Variants in WARS2 observed in about 807,000 individuals in gnomAD.
The protein encoded by WARS2 is tryptophan--tRNA ligase, mitochondrial.
Under a neutral mutation model 36.5 loss-of-function variants are expected in WARS2, and 28 were observed. That is an observed-to-expected ratio of 0.77 (90% confidence interval 0.57 to 1.05). The LOEUF is 1.05. Among genes scored for constraint, WARS2 ranks in the 50% least tolerant of loss-of-function variants. WARS2 has a pLI of 0.00. For missense variants in WARS2, 435 were observed against 456.8 expected, an observed-to-expected ratio of 0.95 and a Z score of 0.44; for synonymous variants, 174 against 178.4, an observed-to-expected ratio of 0.98 and a Z score of 0.20.
chr1:119,045,530 G>T, intron 3 of WARS2, 52 bp downstream of exon 3: 1 of 1,488,486 alleles, frequency 6.7e-7, no homozygotes. Context: ...AGCCTAACAG[G>T]AAGGGAAAAA....
chr1:119,035,856 A>C lies in WARS2; in HGVS notation c.516-1643T>G, dbSNP rs557445494. Among the ~76,000 whole-genome samples the C allele has an allele frequency of 1.6e-4, 25 of 152,348 alleles. No individual in the cohort carries two copies. In the South Asian group the frequency reaches 4.8e-3, roughly 29 times the overall value. On this transcript the variant is annotated intron_variant, in intron 4 of 5. Transcript: ENST00000235521. ...AGAACAGAACAATCAATGGAAAGGC[A>C]AAATGTAAGGACCATGACAGCAGAC... is the stretch of plus-strand genomic sequence containing the variant.
At chr1:119,046,287 T>G (rs1241364135) in intron 2 of WARS2, among the ~76,000 whole-genome samples, 5 of 7,526 alleles carry the variant, frequency 6.6e-4, no homozygotes, top group African/African-American at 2.2e-3. Flanking sequence ...CCTTTTCTGT[T>G]TTTTTTTTTT....
rs1432626514 is a variant in WARS2 at position 119,140,549 on chromosome 1, G to A, written c.90+6C>T. ...AGCCGCGGAGGGAAGGGCCGTCTTT[G>A]GTTACCTGGAGAGCGGGAGCAGCTG... On this transcript the variant is annotated splice_donor_region_variant and intron_variant, in intron 1 of 5. Coordinates refer to ENST00000235521, the MANE Select transcript of WARS2 (RefSeq NM_015836.4). 7.4e-6 allele frequency: 12 copies of A among 1,612,594 alleles called. No individual in the cohort carries two copies. In the South Asian group the frequency reaches 9.9e-5, roughly 13 times the overall value.
At chr1:119,061,827 C>A (rs76901125) in intron 2 of WARS2, among the ~76,000 whole-genome samples, 1 of 152,000 alleles carries the variant, frequency 6.6e-6, no homozygotes, top group Non-Finnish European at 1.5e-5. Context: ...GATCAACAAC[C>A]TAGGTCTGTA....
At chr1:119,057,546 T>C (rs1053939028) in intron 2 of WARS2, among the ~76,000 whole-genome samples, 4 of 151,700 alleles carry the variant, frequency 2.6e-5, no homozygotes, top group African/African-American at 9.7e-5. Flanking sequence ...TCCCAGCAGT[T>C]TGGGAGGCTG....
chr1:119,099,673 T>G (rs12064109), intron 1 of WARS2, among the ~76,000 whole-genome samples: 1 of 152,040 alleles, frequency 6.6e-6, no homozygotes, highest in Admixed American at 6.5e-5. Context: ...AGGAAATAAA[T>G]TTGGAATAGG....
rs117395177 is a variant in WARS2, at chr1:119,103,474, T to C, written c.91-26867A>G. Among the ~76,000 whole-genome samples the C allele has an allele frequency of 2.7e-3, 415 of 152,264 alleles. 3 individuals are homozygous for C. Among genetic ancestry groups the C allele is most frequent in the East Asian group, 8.3e-3 (43 of 5,182 alleles). Reference sequence around the variant, plus strand: ...GGCCCATACCTAGTAGTTAATAATATACTATTTTAATTATCATATGCCACT... The same window carrying C: ...GGCCCATACCTAGTAGTTAATAATACACTATTTTAATTATCATATGCCACT... On this transcript the variant is annotated intron_variant, in intron 1 of 5. Coordinates refer to ENST00000235521, the MANE Select transcript of WARS2 (RefSeq NM_015836.4).
At chr1:119,077,645 T>A (rs1651852564) in intron 1 of WARS2, among the ~76,000 whole-genome samples, 1 of 152,138 alleles carries the variant, frequency 6.6e-6, no homozygotes, top group Admixed American at 6.5e-5. Context: ...CAAAAGGAAA[T>A]TTTAATTCTA....
chr1:119,092,245 G>A (rs1653096627), intron 1 of WARS2, among the ~76,000 whole-genome samples: 1 of 152,132 alleles, frequency 6.6e-6, no homozygotes, highest in Non-Finnish European at 1.5e-5. Context: ...TTAATGTAGG[G>A]ATGATATGAG....
At chr1:119,085,254 C>G in intron 1 of WARS2, 4 of 893,470 alleles carry the variant, frequency 4.5e-6, no homozygotes, top group Non-Finnish European at 7.6e-6. Flanking sequence ...CTCCCTCTCT[C>G]GGTTCTCTGC....
At position 119,124,524 on chromosome 1, in the gene WARS2, C is replaced by A. The variant is rs186838391; in HGVS notation, c.90+16031G>T. ...AATGAAATGAAATGAAATGAAATGA[C>A]ATGAAATAAAATATAAAAATAAAAT... On this transcript the variant is annotated intron_variant, in intron 1 of 5. Coordinates refer to ENST00000235521, the MANE Select transcript of WARS2 (RefSeq NM_015836.4). Among the ~76,000 whole-genome samples, 377 of 151,886 alleles carry A rather than the reference C, an allele frequency of 2.5e-3. 2 individuals are homozygous for A. Among genetic ancestry groups the A allele is most frequent in the Non-Finnish European group, 2.9e-3 (199 of 67,974 alleles).
At chr1:119,095,925 C>T (rs916778920) in intron 1 of WARS2, among the ~76,000 whole-genome samples, 5 of 149,398 alleles carry the variant, frequency 3.3e-5, no homozygotes, top group Non-Finnish European at 7.4e-5. Context: ...GAATTTGACA[C>T]AATCGAGTAC....
At chr1:119,117,608 T>C (rs1429812134) in intron 1 of WARS2, among the ~76,000 whole-genome samples, 1 of 152,184 alleles carries the variant, frequency 6.6e-6, no homozygotes, top group Non-Finnish European at 1.5e-5. Flanking sequence ...ACGTGACAAC[T>C]TCACTGTGAG....
chr1:119,112,679 GAGAGTTTCAGAAGTAGAAATAACAC>G (rs1367353424), intron 1 of WARS2, among the ~76,000 whole-genome samples: 1 of 152,168 alleles, frequency 6.6e-6, no homozygotes, highest in East Asian at 1.9e-4. Context: ...GGGAAGTAAG[GAGAGTTTCAGAAGTAGAAATAACAC>G]AGAGTTTCAG....
At chr1:119,118,854 T>G (rs1014369590) in intron 1 of WARS2, among the ~76,000 whole-genome samples, 2 of 152,110 alleles carry the variant, frequency 1.3e-5, no homozygotes, top group African/African-American at 4.8e-5. Flanking sequence ...GAAGGAGAGA[T>G]AAAGCCATTT....
Position 119,066,775 on chromosome 1 carries a change from T to C in WARS2, c.348+9575A>G, listed in dbSNP as rs555260321. ...TAACACCAAATGTTGCCGAGGAGAG[T>C]TCCTGTTGGTGGTAATGTAAGTTAG... is the stretch of plus-strand genomic sequence containing the variant. On this transcript the variant is annotated intron_variant, in intron 2 of 5. Coordinates refer to ENST00000235521, the MANE Select transcript of WARS2 (RefSeq NM_015836.4). 3.9e-5 allele frequency among the ~76,000 whole-genome samples: 6 copies of C among 152,100 alleles called. No homozygotes were observed. The East Asian group carries it at 9.7e-4, about 25-fold the overall frequency.
chr1:119,116,141 T>C (rs1259135713), intron 1 of WARS2, among the ~76,000 whole-genome samples: 1 of 152,222 alleles, frequency 6.6e-6, no homozygotes, highest in Admixed American at 6.5e-5. Context: ...TGACTTTCTA[T>C]CATACCAGAA....
chr1:119,133,220 T>C (rs1056321322), intron 1 of WARS2, among the ~76,000 whole-genome samples: 3 of 152,194 alleles, frequency 2.0e-5, no homozygotes, highest in Non-Finnish European at 4.4e-5. Context: ...GGAGATAAAT[T>C]TACAAGACAG....
chr1:119,078,711 C>A (rs1651954443), intron 1 of WARS2, among the ~76,000 whole-genome samples: 1 of 152,022 alleles, frequency 6.6e-6, no homozygotes, highest in African/African-American at 2.4e-5. Flanking sequence ...TGTACATATT[C>A]TAGATGCTAA....
Sources: gnomAD v4.1 joint callset for allele counts (sites outside exome capture counted in the v4.1 genomes callset) on GRCh38, gnomAD v4.1.1 for gene constraint, MANE v1.5 for transcripts, NCBI Gene and HGNC (gene_info 2026-07-23, HGNC 2026-07-21) for gene names.